SV2C: variants seen among roughly 807,000 people sequenced by gnomAD.
SV2C encodes synaptic vesicle glycoprotein 2C, also known as solute carrier family 22 member B3.
SV2C carries 49 observed loss-of-function variants against 79.7 expected under a neutral mutation model. That is an observed-to-expected ratio of 0.61 (90% confidence interval 0.49 to 0.78). The LOEUF is 0.78. Ranked by LOEUF, SV2C falls within the 30% of genes least tolerant of loss-of-function variation. The probability of loss-of-function intolerance (pLI) is 0.00; values close to 1 mark genes in which losing one functional copy is unlikely to be tolerated. For synonymous variants in SV2C, 334 were observed against 333.2 expected (o/e 1.00, Z -0.03); for missense variants, 833 against 912.9 (o/e 0.91, Z 1.13).
At chr5:76,216,310 A>C (rs10051522) in intron 4 of SV2C, among the ~76,000 whole-genome samples, 51,725 of 151,938 alleles carry the variant, frequency 0.34, 9,298 homozygotes, top group East Asian at 0.61. Context: ...AGACCTTAGG[A>C]GGCAGAGTGC....
At chr5:75,977,336 T>A in the SV2C span, among the ~76,000 whole-genome samples, 1 of 152,212 alleles carries the variant, frequency 6.6e-6, no homozygotes, top group African/African-American at 2.4e-5. Flanking sequence ...GACGTCCTCT[T>A]TGTTTTAACC....
intron 4 of SV2C, among the ~76,000 whole-genome samples, chr5:76,273,180 T>C (rs1746927402): frequency 6.7e-6 from 1 of 148,242 alleles, no homozygotes; most frequent in Non-Finnish European, 1.5e-5. Context: ...TACACACATA[T>C]ATATATTTTT....
the SV2C span, among the ~76,000 whole-genome samples, chr5:75,972,234 C>G: frequency 8.6e-5 from 13 of 152,040 alleles, 1 homozygote; most frequent in African/African-American, 3.1e-4. Flanking sequence ...TAGAAGAAAA[C>G]CTAGGCAATA....
intron 4 of SV2C, among the ~76,000 whole-genome samples, chr5:76,278,252 G>A (rs535535397): frequency 6.6e-6 from 1 of 151,758 alleles, no homozygotes; most frequent in African/African-American, 2.4e-5. Flanking sequence ...CTTGATGAGT[G>A]GGAAAAGCAG....
At chr5:76,266,973 C>T (rs10064140) in intron 4 of SV2C, among the ~76,000 whole-genome samples, 57,859 of 151,986 alleles carry the variant, frequency 0.38, 11,865 homozygotes, top group African/African-American at 0.53. Flanking sequence ...CACTTCCAAA[C>T]TGGGAGGTGG....
At chr5:75,904,962 T>C in the SV2C span, among the ~76,000 whole-genome samples, 2 of 152,204 alleles carry the variant, frequency 1.3e-5, no homozygotes, top group Non-Finnish European at 2.9e-5. Context: ...TATTTCTTAC[T>C]GGAAAGCAAG....
the SV2C span, among the ~76,000 whole-genome samples, chr5:76,037,124 G>T: frequency 6.6e-6 from 1 of 152,052 alleles, no homozygotes; most frequent in Admixed American, 6.5e-5. Context: ...CTCTGTATTG[G>T]TTATTCTAGT....
the SV2C span, among the ~76,000 whole-genome samples, chr5:75,967,633 C>G: frequency 6.6e-6 from 1 of 152,288 alleles, no homozygotes; most frequent in South Asian, 2.1e-4. Context: ...GAGGGGCACC[C>G]GCCATTGCCG....
chr5:76,255,206 T>C (rs928597646), intron 4 of SV2C, among the ~76,000 whole-genome samples: 14 of 152,210 alleles, frequency 9.2e-5, no homozygotes, highest in Admixed American at 7.2e-4. Flanking sequence ...GCAGATAAAT[T>C]TATTTTCCTG....
chr5:76,213,978 T>C (rs752329195), intron 4 of SV2C, among the ~76,000 whole-genome samples: 5 of 152,214 alleles, frequency 3.3e-5, no homozygotes, highest in Non-Finnish European at 7.4e-5. Context: ...TGTCTTTTCA[T>C]GTCTGGCCTA....
chr5:76,082,514 C>CCCTCTCTCTCTCTCTTTTCT (rs1554031383), upstream of SV2C: 11 of 151,898 alleles, frequency 7.2e-5, no homozygotes, highest in African/African-American at 2.2e-4. Flanking sequence ...CTCTCTCTCT[C>CCCTCTCTCTCTCTCTTTTCT]CCTCTCTCTC....
chr5:76,205,324 C>T (rs552939122), intron 3 of SV2C, among the ~76,000 whole-genome samples: 1 of 152,172 alleles, frequency 6.6e-6, no homozygotes, highest in Non-Finnish European at 1.5e-5. Context: ...ATAACTCCAA[C>T]TCTGAAATTC....
the SV2C span, among the ~76,000 whole-genome samples, chr5:75,966,281 C>T: frequency 1.3e-5 from 2 of 152,172 alleles, no homozygotes; most frequent in South Asian, 2.1e-4. Flanking sequence ...AATATATTCA[C>T]TGAAAGTGAG....
At chr5:76,146,429 C>A (rs1749425193) in intron 2 of SV2C, among the ~76,000 whole-genome samples, 1 of 152,094 alleles carries the variant, frequency 6.6e-6, no homozygotes, top group Non-Finnish European at 1.5e-5. Context: ...CCTTTCTAGA[C>A]CATATAGGGA....
chr5:76,139,823 G>A (rs1213316160), intron 2 of SV2C, among the ~76,000 whole-genome samples: 1 of 148,398 alleles, frequency 6.7e-6, no homozygotes, highest in African/African-American at 2.5e-5. Flanking sequence ...AATTTTACTT[G>A]ACTTTTTTCC....
chr5:76,122,967 C>T (rs1007120208), intron 1 of SV2C, among the ~76,000 whole-genome samples: 32 of 151,770 alleles, frequency 2.1e-4, no homozygotes, highest in Non-Finnish European at 1.8e-4. Flanking sequence ...ATTGATAGAA[C>T]GCTAGCAAGA....
At chr5:76,030,997 A>G in the SV2C span, among the ~76,000 whole-genome samples, 2 of 152,210 alleles carry the variant, frequency 1.3e-5, no homozygotes, top group Non-Finnish European at 2.9e-5. Flanking sequence ...AGAGCATACA[A>G]TGGATTACCA....
chr5:75,993,881 T>C, the SV2C span, among the ~76,000 whole-genome samples: 4 of 152,070 alleles, frequency 2.6e-5, no homozygotes, highest in African/African-American at 9.7e-5. Context: ...GGCACATCTT[T>C]CCTGGGCCAA....
chr5:76,300,073 T>C (rs925934407), intron 10 of SV2C, among the ~76,000 whole-genome samples: 2 of 152,048 alleles, frequency 1.3e-5, no homozygotes, highest in South Asian at 2.1e-4. Flanking sequence ...TGCACTTTTT[T>C]TTCCTTAGAG....
Sources: allele counts gnomAD v4.1 joint callset (sites outside exome capture counted in the v4.1 genomes callset), GRCh38; gene constraint gnomAD v4.1.1; transcripts MANE v1.5; gene names NCBI Gene and HGNC (gene_info 2026-07-23, HGNC 2026-07-21).